SEMA6B: variants seen among roughly 807,000 people sequenced by gnomAD.
SEMA6B encodes semaphorin-6B.
A neutral mutation model predicts 78.6 loss-of-function variants in SEMA6B; 47 were observed. The observed-to-expected ratio is 0.60, with a 90% CI of 0.47 to 0.76. The LOEUF (loss-of-function observed/expected upper bound fraction) is 0.76. Ranked by LOEUF, SEMA6B falls within the 30% of genes least tolerant of loss-of-function variation. The probability of loss-of-function intolerance (pLI) is 0.00; values close to 1 mark genes in which losing one functional copy is unlikely to be tolerated. For missense variants in SEMA6B, 1,213 were observed against 1,269.9 expected, an observed-to-expected ratio of 0.96 and a Z score of 0.68; for synonymous variants, 632 against 592.2, an observed-to-expected ratio of 1.07 and a Z score of -0.98.
intron 9 of SEMA6B, 97 bp downstream of exon 9, chr19:4,554,291 C>T: frequency 1.0e-6 from 1 of 961,822 alleles, no homozygotes. Context: ...AGGGCAGGAC[C>T]CTCTCACCCC....
At position 4,543,152 on chromosome 19, in the gene SEMA6B, G is replaced by A. The variant is rs1398455184; in HGVS notation, c.*449C>T. 8 of 606,712 alleles carry A rather than the reference G, an allele frequency of 1.3e-5. No individual in the cohort carries two copies. In the African/African-American group the frequency reaches 1.5e-4, roughly 11 times the overall value. The allele number at this position is 606,712 out of a possible 1,614,324, so 37.6% of individuals were successfully genotyped here. On this transcript the variant is annotated 3_prime_UTR_variant, in exon 17 of 17. Coordinates refer to ENST00000586582, the MANE Select transcript of SEMA6B (RefSeq NM_032108.4). ...CGCACACGCACGCACACCCACACAC[G>A]CCAGGGGCCTGGGTTGGGGAGGGAC...
At position 4,552,661 on chromosome 19, in the gene SEMA6B, C is replaced by CG. The variant is rs770082385; in HGVS notation, c.772-23dup. 1.3e-6 allele frequency: 2 copies of CG among 1,576,732 alleles called. No homozygotes were observed. Among genetic ancestry groups the CG allele is most frequent in the African/African-American group, 2.7e-5 (2 of 74,368 alleles). On this transcript the variant is annotated intron_variant, in intron 9 of 16. Transcript: ENST00000586582. The surrounding 1 kb of genome is among the most constrained non-coding windows in gnomAD (Gnocchi z 7.4). Reference sequence around the variant, plus strand: ...CCACCTGGGCGTGACAGTGGACGGACGGGGGCCTGAGCTCTGTGTCCCAGG... The same window carrying CG: ...CCACCTGGGCGTGACAGTGGACGGACGGGGGGCCTGAGCTCTGTGTCCCAGG...
Position 4,550,692 on chromosome 19 carries a change from C to T in SEMA6B, c.1121+107G>A. ...GTTTTTCCCAACTGTATAACGGGTA[C>T]AGCTGAACTCAGCATCAGCTAAATA... On this transcript the variant is annotated intron_variant, in intron 11 of 16. Transcript: ENST00000586582. This position sits in a 1 kb window ranked among gnomAD's most constrained non-coding sequence, Gnocchi z 6.6. 1 of 1,353,816 alleles carries T rather than the reference C, an allele frequency of 7.4e-7. No homozygotes were observed. Among genetic ancestry groups the T allele is most frequent in the South Asian group, 1.3e-5 (1 of 75,556 alleles). 83.9% of individuals were successfully genotyped at this position (1,353,816 alleles called of 1,614,324 possible).
chr19:4,550,359 A>G lies in SEMA6B; in HGVS notation c.1122-87T>C. On this transcript the variant is annotated intron_variant, in intron 11 of 16. Coordinates refer to ENST00000586582, the MANE Select transcript of SEMA6B (RefSeq NM_032108.4). This position sits in a 1 kb window ranked among gnomAD's most constrained non-coding sequence, Gnocchi z 6.6. ...ACCAGAGGTACCCATTGCTTTGCCCAACGACCCTCAGGTTTTTTGTTTGTT... is the reference window on the plus strand; with the variant it reads ...ACCAGAGGTACCCATTGCTTTGCCCGACGACCCTCAGGTTTTTTGTTTGTT... 7.0e-7 allele frequency: 1 copy of G among 1,428,380 alleles called. No homozygotes were observed. Among genetic ancestry groups the G allele is most frequent in the South Asian group, 1.2e-5 (1 of 84,880 alleles). The allele number at this position is 1,428,380 out of a possible 1,614,324, so 88.5% of individuals were successfully genotyped here. A position where few individuals can be genotyped will look rare whatever the true frequency, so the allele number is the denominator to read the frequency against.
chr19:4,550,891 C>A lies in SEMA6B; in HGVS notation c.1029G>T (p.Gln343His). ...AGCGGCCTTCAAACACAGCTGCCAC[C>A]TGTGTCAGGTCAAAGGCGCAGACAG... ...GSAVCAFDLT[Q>H]VAAVFEGRFR... is the part of the protein sequence containing the mutation. The change falls in exon 11 of 17, where the codon CAG becomes CAT. Residue 343 changes from glutamine to histidine, a missense_variant. Physicochemically the swap from Gln to His is conservative, Grantham distance 24. Transcript: ENST00000586582. This position sits in a 1 kb window ranked among gnomAD's most constrained non-coding sequence, Gnocchi z 6.6. The A allele has an allele frequency of 6.2e-7, 1 of 1,613,618 alleles. No homozygotes were observed. Among genetic ancestry groups the A allele is most frequent in the Non-Finnish European group, 8.5e-7 (1 of 1,179,986 alleles).
At position 4,548,338 on chromosome 19, in the gene SEMA6B, C is replaced by A. The variant is rs766856561; in HGVS notation, c.1379G>T (p.Arg460Leu). ...EAGTVLKFLV[R>L]PNASTSGTSG... Reference sequence around the variant, plus strand: ...CGTCCCTGAGGTGCTGGCATTGGGCCGGACGAGGAACTTGAGGACCGTCCC... The same window carrying A: ...CGTCCCTGAGGTGCTGGCATTGGGCAGGACGAGGAACTTGAGGACCGTCCC... Residue 460 changes from arginine (R) to leucine (L), a missense_variant, in exon 13 of 17, where the codon CGG becomes CTG. By Grantham distance (102) the Arg-to-Leu change is moderately radical (BLOSUM62 -2). Transcript: ENST00000586582. The A allele has an allele frequency of 6.2e-7, 1 of 1,613,782 alleles. No homozygotes were observed. The highest frequency in any genetic ancestry group is 8.5e-7 in the Non-Finnish European group (1 of 1,180,026).
Position 4,542,921 on chromosome 19 carries a change from C to T in SEMA6B, c.*680G>A. The T allele has an allele frequency of 1.4e-6, 1 of 701,028 alleles. No individual in the cohort carries two copies. Among genetic ancestry groups the T allele is most frequent in the Non-Finnish European group, 2.6e-6 (1 of 384,880 alleles). 43.4% of individuals were successfully genotyped at this position (701,028 alleles called of 1,614,324 possible). A position where few individuals can be genotyped will look rare whatever the true frequency, so the allele number is the denominator to read the frequency against. ...CTGCAGAGTGGGGGGGGTTCAAACT[C>T]CTAACCGGCACCTCGGAGACCCCCG... is the stretch of plus-strand genomic sequence containing the variant. On this transcript the variant is annotated 3_prime_UTR_variant, in exon 17 of 17. Coordinates refer to ENST00000586582, the MANE Select transcript of SEMA6B (RefSeq NM_032108.4).
At position 4,558,915 on chromosome 19, in the gene SEMA6B, TG is replaced by T. The variant is rs1403569232; in HGVS notation, c.-32-427del. On this transcript the variant is annotated intron_variant, in intron 1 of 16. Transcript: ENST00000586582. This position sits in a 1 kb window ranked among gnomAD's most constrained non-coding sequence, Gnocchi z 5.1. ...GGAATTTTATAAGCCACAAGCTGGC[TG>T]TGTGTGGTGGCTCACGCCTGTAATC... Among the ~76,000 whole-genome samples, 1 of 149,928 alleles carries T rather than the reference TG, an allele frequency of 6.7e-6. No individual in the cohort carries two copies. The highest frequency in any genetic ancestry group is 1.5e-5 in the Non-Finnish European group (1 of 67,662).
rs1032153790 is a variant in SEMA6B at position 4,543,714 on chromosome 19, C to T, written c.2554G>A (p.Gly852Ser). The change falls in exon 17 of 17, where the codon GGC becomes AGC. Residue 852 changes from glycine (G) to serine (S), a missense_variant. By Grantham distance (56) the Gly-to-Ser change is moderately conservative (BLOSUM62 0). Coordinates refer to ENST00000586582, the MANE Select transcript of SEMA6B (RefSeq NM_032108.4). ...TGGCGGTCCCCAGGCCGGGCCTCGCCGCTGTTGAACGTGTGGGTGCGGCGC... is the reference window on the plus strand; with the variant it reads ...TGGCGGTCCCCAGGCCGGGCCTCGCTGCTGTTGAACGTGTGGGTGCGGCGC... ...TLRRTHTFNS[G>S]EARPGDRHRG... 2.4e-6 allele frequency: 3 copies of T among 1,229,316 alleles called. No individual in the cohort carries two copies. The highest frequency in any genetic ancestry group is 3.2e-5 in the East Asian group (1 of 31,558). The allele number at this position is 1,229,316 out of a possible 1,614,324, so 76.2% of individuals were successfully genotyped here.
rs1024427620 is a variant in SEMA6B, at chr19:4,548,576, G to A, written c.1272-131C>T. The A allele has an allele frequency of 3.8e-5, 32 of 832,412 alleles. No homozygotes were observed. The South Asian group carries it at 4.4e-4, about 11-fold the overall frequency. The allele number at this position is 832,412 out of a possible 1,614,324, so 51.6% of individuals were successfully genotyped here. ...ACACATGTGACAGCAATAAATGCGT[G>A]TGTGCATGGATGCCGGGGACATGCG... On this transcript the variant is annotated intron_variant, in intron 12 of 16. Coordinates refer to ENST00000586582, the MANE Select transcript of SEMA6B (RefSeq NM_032108.4).
chr19:4,555,283 C>T lies in SEMA6B; in HGVS notation c.563-188G>A, dbSNP rs1044319652. Among the ~76,000 whole-genome samples, 14 of 152,240 alleles carry T rather than the reference C, an allele frequency of 9.2e-5. No homozygotes were observed. Among genetic ancestry groups the T allele is most frequent in the African/African-American group, 2.6e-4 (11 of 41,550 alleles). The stretch of plus-strand genomic sequence containing the variant: ...CTGACCTTAACTGAGCCCCTGACCC[C>T]GGCTAAGCCCCAAATCCCGCTGAGC... On this transcript the variant is annotated intron_variant, in intron 7 of 16. Coordinates refer to ENST00000586582, the MANE Select transcript of SEMA6B (RefSeq NM_032108.4). This position sits in a 1 kb window ranked among gnomAD's most constrained non-coding sequence, Gnocchi z 6.1.
Position 4,542,750 on chromosome 19 carries a change from C to A in SEMA6B, c.*851G>T, listed in dbSNP as rs987709273. ...GGTGGCATGGGACTCTCTCACCACCCTGGGGCCGTATTTACAGAGGGGCCC... is the reference window on the plus strand; with the variant it reads ...GGTGGCATGGGACTCTCTCACCACCATGGGGCCGTATTTACAGAGGGGCCC... On this transcript the variant is annotated 3_prime_UTR_variant, in exon 17 of 17. Coordinates refer to ENST00000586582, the MANE Select transcript of SEMA6B (RefSeq NM_032108.4). 2.9e-6 allele frequency: 2 copies of A among 699,982 alleles called. No individual in the cohort carries two copies. The highest frequency in any genetic ancestry group is 5.4e-5 in the East Asian group (2 of 37,244). The allele number at this position is 699,982 out of a possible 1,614,324, so 43.4% of individuals were successfully genotyped here.
At chr19:4,545,581 C>T (rs938873667) in intron 16 of SEMA6B, among the ~76,000 whole-genome samples, 2 of 152,126 alleles carry the variant, frequency 1.3e-5, no homozygotes, top group African/African-American at 2.4e-5. Flanking sequence ...CTCAAGTGAT[C>T]GTCCTGTCTT....
rs1286526594 is a variant in SEMA6B at position 4,552,438 on chromosome 19, A to T, written c.973T>A (p.Ser325Thr). The T allele has an allele frequency of 1.3e-6, 2 of 1,589,654 alleles. No individual in the cohort carries two copies. Among genetic ancestry groups the T allele is most frequent in the Admixed American group, 3.6e-5 (2 of 56,172 alleles). ...GGCGCTGACCTGTTGCTGGGCGTGG[A>T]AAAAACGGCCAGGACCACGGGCCGG... is the stretch of plus-strand genomic sequence containing the variant. ...GGRPVVLAVF[S>T]TPSNSIPGSA... The change falls in exon 10 of 17, where the codon TCC becomes ACC. Residue 325 changes from serine to threonine, a missense_variant. By Grantham distance (58) the Ser-to-Thr change is moderately conservative (BLOSUM62 1). Coordinates refer to ENST00000586582, the MANE Select transcript of SEMA6B (RefSeq NM_032108.4). This position sits in a 1 kb window ranked among gnomAD's most constrained non-coding sequence, Gnocchi z 7.4.
chr19:4,552,377 T>G lies in SEMA6B; in HGVS notation c.989+45A>C. ...AGTGAATACAGGCCCTCTCTACCCA[T>G]GCCCACCAAATGCTCCCAGTTTGCT... On this transcript the variant is annotated intron_variant, in intron 10 of 16. Transcript: ENST00000586582. This position sits in a 1 kb window ranked among gnomAD's most constrained non-coding sequence, Gnocchi z 7.4. The G allele has an allele frequency of 6.6e-7, 1 of 1,526,156 alleles. No individual in the cohort carries two copies. 94.5% of individuals were successfully genotyped at this position (1,526,156 alleles called of 1,614,324 possible).
chr19:4,549,799 G>A (rs559515660), intron 12 of SEMA6B, among the ~76,000 whole-genome samples: 4 of 151,988 alleles, frequency 2.6e-5, no homozygotes, highest in African/African-American at 4.8e-5. Flanking sequence ...TTTAAGTAGA[G>A]ACGAGGTTTC....
At position 4,555,975 on chromosome 19, in the gene SEMA6B, T is replaced by A. The variant is rs1389278121; in HGVS notation, c.471+13A>T. 1 of 1,607,388 alleles carries A rather than the reference T, an allele frequency of 6.2e-7. No homozygotes were observed. Among genetic ancestry groups the A allele is most frequent in the East Asian group, 2.2e-5 (1 of 44,842 alleles). On this transcript the variant is annotated intron_variant, in intron 6 of 16. Coordinates refer to ENST00000586582, the MANE Select transcript of SEMA6B (RefSeq NM_032108.4). The surrounding 1 kb of genome is among the most constrained non-coding windows in gnomAD (Gnocchi z 6.1). ...GAGGTTGGACCTGGGGCGCAGGGAGTCTGAAGACTCACGCTGTAGTTGGCG... is the reference window on the plus strand; with the variant it reads ...GAGGTTGGACCTGGGGCGCAGGGAGACTGAAGACTCACGCTGTAGTTGGCG...
At chr19:4,557,046 G>A (rs772889633) in intron 4 of SEMA6B, 33 bp from the exon 5 acceptor site, 3 of 1,605,354 alleles carry the variant, frequency 1.9e-6, no homozygotes, top group Non-Finnish European at 2.6e-6. Context: ...AGGGGGTAAC[G>A]GGTCCCAGCA....
intron 5 of SEMA6B, among the ~76,000 whole-genome samples, chr19:4,556,524 G>A (rs979127306): frequency 6.7e-6 from 1 of 150,256 alleles, no homozygotes; most frequent in African/African-American, 2.4e-5. Context: ...GGCGGGCCGG[G>A]GGCGTGGGGG....
Sources: gnomAD v4.1 joint callset for allele counts (sites outside exome capture counted in the v4.1 genomes callset) on GRCh38, gnomAD v4.1.1 for gene constraint, Gnocchi (gnomAD v3.1) non-coding constraint, MANE v1.5 for transcripts, NCBI Gene and HGNC (gene_info 2026-07-23, HGNC 2026-07-21) for gene names.